The following ATP6V0D2 variants were observed in gnomAD, a reference collection of about 807,000 sequenced individuals.
ATP6V0D2 encodes the protein V-type proton ATPase subunit d 2.
A neutral mutation model predicts 40.0 loss-of-function variants in ATP6V0D2; 40 were observed. That is an observed-to-expected ratio of 1.00 (90% confidence interval 0.78 to 1.30). ATP6V0D2 has a LOEUF of 1.30. Ranked by LOEUF, ATP6V0D2 falls within the 50% of genes most tolerant of loss-of-function variation. ATP6V0D2 has a pLI of 0.00. For missense variants in ATP6V0D2, 470 were observed against 423.1 expected (o/e 1.11, Z -0.97); for synonymous variants, 179 against 156.3 (o/e 1.15, Z -1.08).
chr8:86,100,857 CAAA>C (rs796758762), intron 1 of ATP6V0D2, among the ~76,000 whole-genome samples: 1 of 130,932 alleles, frequency 7.6e-6, no homozygotes. Flanking sequence ...TTTGTGATAC[CAAA>C]AAAAAAAAAG....
chr8:86,152,384 A>ATG (rs1249767041), intron 7 of ATP6V0D2, among the ~76,000 whole-genome samples: 3 of 152,168 alleles, frequency 2.0e-5, no homozygotes, highest in Non-Finnish European at 4.4e-5. Flanking sequence ...CAATAAACAT[A>ATG]TGTGTGCAGG....
At chr8:86,108,779 A>G (rs1004458695) in intron 1 of ATP6V0D2, among the ~76,000 whole-genome samples, 2 of 152,304 alleles carry the variant, frequency 1.3e-5, no homozygotes, top group African/African-American at 4.8e-5. Context: ...TTAGTAGACA[A>G]TAACCATGAA....
At chr8:86,152,503 T>C (rs1383213510) in intron 7 of ATP6V0D2, among the ~76,000 whole-genome samples, 1 of 152,234 alleles carries the variant, frequency 6.6e-6, no homozygotes, top group Non-Finnish European at 1.5e-5. Context: ...TGCCACACTA[T>C]CTTCCACAAT....
chr8:86,152,258 C>T (rs529714787), intron 7 of ATP6V0D2, among the ~76,000 whole-genome samples: 4 of 152,204 alleles, frequency 2.6e-5, no homozygotes, highest in South Asian at 2.1e-4. Flanking sequence ...TGAACTCATC[C>T]TTTTTTATGG....
chr8:86,145,313 A>G (rs373009747), intron 5 of ATP6V0D2, among the ~76,000 whole-genome samples: 52 of 76,514 alleles, frequency 6.8e-4, no homozygotes, highest in African/African-American at 9.5e-4. Context: ...AAGAAAGAAA[A>G]GAAAGAAGGA....
intron 2 of ATP6V0D2, among the ~76,000 whole-genome samples, chr8:86,121,245 G>C (rs1436045596): frequency 6.6e-6 from 1 of 152,232 alleles, no homozygotes; most frequent in Admixed American, 6.5e-5. Flanking sequence ...TTCAGTTGCT[G>C]TCTGTAGACC....
chr8:86,126,982 G>T (rs1042704600), intron 2 of ATP6V0D2, among the ~76,000 whole-genome samples: 4 of 152,150 alleles, frequency 2.6e-5, no homozygotes, highest in Non-Finnish European at 5.9e-5. Flanking sequence ...TGCTATTATG[G>T]CAATGCTGAC....
chr8:86,119,071 C>A (rs929114233), intron 2 of ATP6V0D2, among the ~76,000 whole-genome samples: 2 of 152,012 alleles, frequency 1.3e-5, no homozygotes, highest in African/African-American at 4.8e-5. Context: ...AGAAAGCTGC[C>A]AGGGTTTGTA....
intron 2 of ATP6V0D2, among the ~76,000 whole-genome samples, chr8:86,118,235 A>ATTTTTTTT (rs148228172): frequency 1.2e-5 from 1 of 81,236 alleles, no homozygotes; most frequent in Admixed American, 1.1e-4. Context: ...TAATTTTTGT[A>ATTTTTTTT]TTTTTTTTTA....
At chr8:86,143,205 A>C (rs1439644768) in intron 5 of ATP6V0D2, among the ~76,000 whole-genome samples, 3 of 152,210 alleles carry the variant, frequency 2.0e-5, no homozygotes, top group Non-Finnish European at 4.4e-5. Flanking sequence ...ATGTTTACAC[A>C]GATTTGGTTA....
rs139832068 is a variant in ATP6V0D2, at chr8:86,151,833, C to A, written c.891+293C>A. 4.5e-3 allele frequency among the ~76,000 whole-genome samples: 668 copies of A among 148,340 alleles called. 4 individuals are homozygous for A. The highest frequency in any genetic ancestry group is 0.016 in the African/African-American group (628 of 40,394). ...AGAAGTAATGGAAGTACATTCAATT[C>A]CTCATGGAATTTGCTGAAGAACATT... On this transcript the variant is annotated intron_variant, in intron 7 of 7. Transcript: ENST00000285393.
chr8:86,104,808 A>G (rs985083704), intron 1 of ATP6V0D2, among the ~76,000 whole-genome samples: 6 of 151,122 alleles, frequency 4.0e-5, no homozygotes, highest in East Asian at 2.0e-4. Context: ...TTTCTGCCTT[A>G]TATTAAAAAG....
chr8:86,151,406 T>C (rs944460145), intron 6 of ATP6V0D2, 60 bp from the exon 7 acceptor site: 2 of 1,140,790 alleles, frequency 1.8e-6, no homozygotes, highest in Admixed American at 2.6e-5. Context: ...AGGAAAAATA[T>C]ATTTATATAC....
chr8:86,120,868 T>G (rs1818659868), intron 2 of ATP6V0D2, among the ~76,000 whole-genome samples: 1 of 152,128 alleles, frequency 6.6e-6, no homozygotes, highest in Non-Finnish European at 1.5e-5. Context: ...CCTCCTAGTT[T>G]ATAATAAGGC....
chr8:86,152,633 A>G (rs972694482), intron 7 of ATP6V0D2, among the ~76,000 whole-genome samples, 183 bp from the exon 8 acceptor site: 1 of 152,224 alleles, frequency 6.6e-6, no homozygotes, highest in African/African-American at 2.4e-5. Flanking sequence ...TTATCTGCAG[A>G]GTGACACTCT....
chr8:86,137,457 C>A (rs1481268587), intron 2 of ATP6V0D2, among the ~76,000 whole-genome samples: 1 of 152,198 alleles, frequency 6.6e-6, no homozygotes, highest in Non-Finnish European at 1.5e-5. Flanking sequence ...ACGATGTGAT[C>A]CTACTTACTC....
intron 2 of ATP6V0D2, among the ~76,000 whole-genome samples, chr8:86,137,904 T>C (rs1818919163): frequency 1.3e-5 from 2 of 152,244 alleles, no homozygotes; most frequent in South Asian, 4.1e-4. Context: ...TACCTCACAG[T>C]GTTGCAGCTA....
chr8:86,131,657 C>T (rs754314209), intron 2 of ATP6V0D2, among the ~76,000 whole-genome samples: 2 of 151,784 alleles, frequency 1.3e-5, no homozygotes, highest in Non-Finnish European at 2.9e-5. Flanking sequence ...CCTGTCACCA[C>T]GCCCAGCTAA....
chr8:86,104,136 G>T (rs370746852), intron 1 of ATP6V0D2, among the ~76,000 whole-genome samples: 35 of 152,114 alleles, frequency 2.3e-4, no homozygotes, highest in African/African-American at 5.5e-4. Context: ...CCTTTTATGT[G>T]GCATAGTTTG....
Sources: allele counts gnomAD v4.1 joint callset (sites outside exome capture counted in the v4.1 genomes callset), GRCh38; gene constraint gnomAD v4.1.1; transcripts MANE v1.5; gene names NCBI Gene and HGNC (gene_info 2026-07-23, HGNC 2026-07-21).